STK38L: variants seen among roughly 807,000 people sequenced by gnomAD.
STK38L encodes serine/threonine kinase 38 like, also known as serine/threonine-protein kinase 38-like.
Under a neutral mutation model 59.7 loss-of-function variants are expected in STK38L, and 28 were observed. The observed-to-expected ratio is 0.47, with a 90% CI of 0.35 to 0.64. The LOEUF (loss-of-function observed/expected upper bound fraction) is 0.64, where lower values mean the gene tolerates loss of function less well. Ranked by LOEUF, STK38L falls within the 30% of genes least tolerant of loss-of-function variation. STK38L has a pLI of 0.01. For missense variants in STK38L, 314 were observed against 555.8 expected (o/e 0.56, Z 4.37); for synonymous variants, 162 against 176.8 (o/e 0.92, Z 0.66).
chr12:27,292,648 G>A (rs748427731), intron 1 of STK38L, among the ~76,000 whole-genome samples: 10 of 152,100 alleles, frequency 6.6e-5, no homozygotes, highest in Non-Finnish European at 1.0e-4. Context: ...CAGGTACTGC[G>A]ATGCTTTCAT....
intron 9 of STK38L, among the ~76,000 whole-genome samples, chr12:27,315,708 A>G (rs1385932141): frequency 2.0e-5 from 3 of 152,210 alleles, no homozygotes; most frequent in African/African-American, 7.2e-5. Context: ...TGATACAACA[A>G]ATATCAATCA....
chr12:27,315,296 G>T lies in STK38L; in HGVS notation c.783G>T (p.Gln261His). The part of the protein sequence containing the change: ...THNPPSDFSF[Q>H]NMNSKRKAET... ...CCATATTGTTGAAATTAGCATTTCA[G>T]AACATGAACTCAAAGAGGAAAGCAG... is the stretch of plus-strand genomic sequence containing the variant. The change falls in exon 9 of 14, where the codon CAG becomes CAT. Residue 261 changes from glutamine to histidine, a missense_variant. Physicochemically the swap from Gln to His is conservative, Grantham distance 24. Around this residue, in one of 3 missense-constraint regions of STK38L, gnomAD observed 192 missense variants for 316.9 expected, o/e 0.61. Transcript: ENST00000389032. 1 of 1,613,760 alleles carries T rather than the reference G, an allele frequency of 6.2e-7. No individual in the cohort carries two copies. Among genetic ancestry groups the T allele is most frequent in the South Asian group, 1.1e-5 (1 of 91,044 alleles).
chr12:27,276,423 T>C (rs930532779), intron 1 of STK38L, among the ~76,000 whole-genome samples: 1 of 152,154 alleles, frequency 6.6e-6, no homozygotes, highest in African/African-American at 2.4e-5. Context: ...GTCCCTGTGC[T>C]TTCTCCTTCT....
chr12:27,256,017 A>G (rs559849382), intron 1 of STK38L, among the ~76,000 whole-genome samples: 8 of 152,242 alleles, frequency 5.3e-5, no homozygotes, highest in Non-Finnish European at 8.8e-5. Flanking sequence ...TAAACCTGGA[A>G]ATCACCCTTG....
rs568212976 is a variant in STK38L at position 27,322,530 on chromosome 12, A to G, written c.*75A>G. On this transcript the variant is annotated 3_prime_UTR_variant, in exon 14 of 14. Transcript: ENST00000389032. ...CCAGGCTTGCTTGGCGTAGATAACA[A>G]TACACTGAAATACTCCTGAAGATGG... is the stretch of plus-strand genomic sequence containing the variant. 27 of 1,535,584 alleles carry G rather than the reference A, an allele frequency of 1.8e-5. No individual in the cohort carries two copies. The Middle Eastern group carries it at 8.7e-4, about 50-fold the overall frequency.
At chr12:27,284,988 T>C (rs1943740352) in intron 1 of STK38L, among the ~76,000 whole-genome samples, 1 of 152,232 alleles carries the variant, frequency 6.6e-6, no homozygotes, top group Non-Finnish European at 1.5e-5. Flanking sequence ...GAACAGTTTT[T>C]TTTGGTCAGT....
At chr12:27,309,486 G>C (rs1944407339) in intron 5 of STK38L, among the ~76,000 whole-genome samples, 1 of 152,154 alleles carries the variant, frequency 6.6e-6, no homozygotes, top group Non-Finnish European at 1.5e-5. Context: ...ATGAAAGTTT[G>C]GGCAGGTTTT....
chr12:27,252,864 A>G (rs1943007183), intron 1 of STK38L, among the ~76,000 whole-genome samples: 1 of 152,206 alleles, frequency 6.6e-6, no homozygotes, highest in Non-Finnish European at 1.5e-5. Flanking sequence ...AGCTATTTGC[A>G]GGGCACTGTG....
In STK38L at chr12:27,322,359, C is replaced by T. The variant is rs776973296; in HGVS notation, c.1299C>T (p.Ser433=). 3 of 1,613,854 alleles carry T rather than the reference C, an allele frequency of 1.9e-6. No individual in the cohort carries two copies. Among genetic ancestry groups the T allele is most frequent in the Non-Finnish European group, 1.7e-6 (2 of 1,179,944 alleles). The change falls in exon 14 of 14, where the codon TCC becomes TCT. Residue 433 remains serine (S), a synonymous_variant. Coordinates refer to ENST00000389032, the MANE Select transcript of STK38L (RefSeq NM_015000.4). ...VPNTTEPDYK[S]KDWVFLNYTY... ...ATACCACAGAACCGGACTACAAATC[C>T]AAAGACTGGGTTTTTCTCAATTATA... is the stretch of plus-strand genomic sequence containing the variant.
chr12:27,316,353 G>T lies in STK38L; in HGVS notation c.838-983G>T, dbSNP rs145167383. 1.8e-3 allele frequency among the ~76,000 whole-genome samples: 272 copies of T among 152,276 alleles called. 1 individual carries two copies. The highest frequency in any genetic ancestry group is 0.017 in the South Asian group (80 of 4,828). ...AATTGCAATATTCCCTATTTTTAAA[G>T]GGGAAAAACTGAATACTGCTCAAAA... On this transcript the variant is annotated intron_variant, in intron 9 of 13. Transcript: ENST00000389032.
chr12:27,253,271 A>G (rs898310355), intron 1 of STK38L, among the ~76,000 whole-genome samples: 1 of 152,202 alleles, frequency 6.6e-6, no homozygotes, highest in African/African-American at 2.4e-5. Context: ...CACCTGTTCA[A>G]CTTGGTACAT....
chr12:27,263,969 G>A (rs1016140540), intron 1 of STK38L, among the ~76,000 whole-genome samples: 1 of 152,210 alleles, frequency 6.6e-6, no homozygotes, highest in Non-Finnish European at 1.5e-5. Flanking sequence ...TTAAATACAA[G>A]TAAAGGGGAA....
In STK38L at chr12:27,308,898, AAATATATATAAATATATATT is replaced by A. The variant is rs1232849067; in HGVS notation, c.310-203_310-184del. Among the ~76,000 whole-genome samples the A allele has an allele frequency of 6.9e-6, 1 of 145,462 alleles. No individual in the cohort carries two copies. Among genetic ancestry groups the A allele is most frequent in the South Asian group, 2.1e-4 (1 of 4,752 alleles). Reference sequence around the variant, plus strand: ...TAAATATATATAAATGTAAATATATAAATATATATAAATATATATTAATATATATAAAATATATATAAATA... The same window carrying A: ...TAAATATATATAAATGTAAATATATAAATATATATAAAATATATATAAATA... On this transcript the variant is annotated intron_variant, in intron 4 of 13. Transcript: ENST00000389032. The surrounding 1 kb of genome is among the most constrained non-coding windows in gnomAD (Gnocchi z 4.5).
chr12:27,313,204 C>T (rs528517118), intron 6 of STK38L, among the ~76,000 whole-genome samples: 5 of 147,568 alleles, frequency 3.4e-5, no homozygotes, highest in South Asian at 4.2e-4. Context: ...GCCGAGATAG[C>T]GCCACTGCAG....
At chr12:27,313,753 T>A (rs1297068462) in intron 6 of STK38L, among the ~76,000 whole-genome samples, 5 of 152,166 alleles carry the variant, frequency 3.3e-5, no homozygotes, top group Non-Finnish European at 7.4e-5. Context: ...GTGTTGTAAG[T>A]GCACCAGTGT....
At chr12:27,253,317 T>C (rs1403945445) in intron 1 of STK38L, among the ~76,000 whole-genome samples, 1 of 152,182 alleles carries the variant, frequency 6.6e-6, no homozygotes, top group Non-Finnish European at 1.5e-5. Context: ...GTAGTGTATA[T>C]GGAGTGAATT....
At chr12:27,317,475 T>C (rs1410714495) in intron 10 of STK38L, 22 bp downstream of exon 10, 1 of 1,528,702 alleles carries the variant, frequency 6.5e-7, no homozygotes, top group Non-Finnish European at 9.0e-7. Flanking sequence ...CATTCATTTA[T>C]GTACAAAATA....
At chr12:27,295,692 G>T (rs938538252) in intron 1 of STK38L, among the ~76,000 whole-genome samples, 1 of 152,130 alleles carries the variant, frequency 6.6e-6, no homozygotes, top group African/African-American at 2.4e-5. Context: ...AACTGTTAGG[G>T]CCGAATTTTT....
intron 1 of STK38L, among the ~76,000 whole-genome samples, chr12:27,274,263 G>A (rs1280992006): frequency 6.6e-6 from 1 of 151,714 alleles, no homozygotes; most frequent in African/African-American, 2.4e-5. Context: ...CCTTTTTGGA[G>A]CTCAGATAAA....
Sources: gnomAD v4.1 joint callset for allele counts (sites outside exome capture counted in the v4.1 genomes callset) on GRCh38, gnomAD v4.1.1 for gene constraint, gnomAD v4.1.1 regional missense constraint, Gnocchi (gnomAD v3.1) non-coding constraint, MANE v1.5 for transcripts, NCBI Gene and HGNC (gene_info 2026-07-23, HGNC 2026-07-21) for gene names.